SCLT1: variants seen among roughly 807,000 people sequenced by gnomAD.
SCLT1 encodes sodium channel-associated protein 1.
Under a neutral mutation model 112.8 loss-of-function variants are expected in SCLT1, and 78 were observed. The observed-to-expected ratio is 0.69, with a 90% confidence interval of 0.58 to 0.83. SCLT1 has a LOEUF of 0.83. SCLT1 is among the 40% of genes least tolerant of loss of function. The pLI, the probability that SCLT1 is intolerant of heterozygous loss-of-function variation, is 0.00. For missense variants in SCLT1, 747 were observed against 770.4 expected, an observed-to-expected ratio of 0.97 and a Z score of 0.36; for synonymous variants, 257 against 254.7, an observed-to-expected ratio of 1.01 and a Z score of -0.09.
At chr4:129,083,213 GAAAAGAAAAAGAAAA>G (rs1346297411) in intron 1 of SCLT1, among the ~76,000 whole-genome samples, 1 of 129,060 alleles carries the variant, frequency 7.7e-6, no homozygotes, top group East Asian at 2.3e-4. Context: ...AGAATAAGAA[GAAAAGAAAAAGAAAA>G]AAAAGAAATA....
Position 129,093,111 on chromosome 4 carries a change from C to T in SCLT1, c.-8G>A. On this transcript the variant is annotated 5_prime_UTR_variant, in exon 1 of 21. Transcript: ENST00000281142. Reference sequence around the variant, plus strand: ...GTCGATTTCTGCAGCCATTTCGATACAATTTTAGTTTAGAGCTTTCACCAC... The same window carrying T: ...GTCGATTTCTGCAGCCATTTCGATATAATTTTAGTTTAGAGCTTTCACCAC... 1 of 1,613,558 alleles carries T rather than the reference C, an allele frequency of 6.2e-7. No individual in the cohort carries two copies. The highest frequency in any genetic ancestry group is 8.5e-7 in the Non-Finnish European group (1 of 1,179,418).
At chr4:129,019,649 A>AT (rs1030925997) in intron 5 of SCLT1, among the ~76,000 whole-genome samples, 6 of 150,614 alleles carry the variant, frequency 4.0e-5, no homozygotes, top group East Asian at 1.9e-4. Flanking sequence ...ATTTTTGTGT[A>AT]TTTTTTTATA....
chr4:129,056,997 A>G (rs1427434242), intron 2 of SCLT1, among the ~76,000 whole-genome samples: 1 of 152,334 alleles, frequency 6.6e-6, no homozygotes, highest in East Asian at 1.9e-4. Flanking sequence ...TTGGGCTGAG[A>G]TACATTACTT....
intron 6 of SCLT1, 117 bp from the exon 7 acceptor site, chr4:128,999,911 C>T: frequency 1.7e-6 from 1 of 573,650 alleles, no homozygotes; most frequent in South Asian, 4.1e-5. Context: ...TAAAATAGAA[C>T]TGTGTAAAGA....
intron 12 of SCLT1, among the ~76,000 whole-genome samples, chr4:128,959,327 A>G (rs1171469639): frequency 6.6e-6 from 1 of 151,872 alleles, no homozygotes; most frequent in South Asian, 2.1e-4. Flanking sequence ...TTTTTTTTTA[A>G]GTATGAGACT....
At position 128,953,236 on chromosome 4, in the gene SCLT1, A is replaced by G. The variant is rs112655352; in HGVS notation, c.1147-396T>C. Among the ~76,000 whole-genome samples, 38 of 152,362 alleles carry G rather than the reference A, an allele frequency of 2.5e-4. 1 individual carries two copies. Among genetic ancestry groups the G allele is most frequent in the African/African-American group, 8.7e-4 (36 of 41,592 alleles). ...AACCTGAACAATATTTTTATAAGAA[A>G]TAAGTATATTCTCCAAAACTAAAAA... On this transcript the variant is annotated intron_variant, in intron 13 of 20. Coordinates refer to ENST00000281142, the MANE Select transcript of SCLT1 (RefSeq NM_144643.4).
intron 8 of SCLT1, among the ~76,000 whole-genome samples, chr4:128,997,445 A>G (rs1168557163): frequency 6.6e-6 from 1 of 151,950 alleles, no homozygotes; most frequent in African/African-American, 2.4e-5. Context: ...TTTAGGAGAA[A>G]CTTATAGGGA....
chr4:129,070,920 A>G (rs547216011), intron 2 of SCLT1, among the ~76,000 whole-genome samples: 15 of 152,080 alleles, frequency 9.9e-5, no homozygotes, highest in Admixed American at 4.6e-4. Context: ...AGAGCTATGA[A>G]CTTTCCCCTC....
At chr4:129,047,733 G>T (rs1748322592) in intron 2 of SCLT1, among the ~76,000 whole-genome samples, 1 of 151,976 alleles carries the variant, frequency 6.6e-6, no homozygotes, top group Admixed American at 6.6e-5. Context: ...TTTCTCTAAT[G>T]ATTACTTATG....
rs376256372 is a variant in SCLT1, at chr4:129,049,447, G to A, written c.103-5396C>T. ...TGAACAATGAGAACACATGGACACA[G>A]GAAGGGGAACATCACACTCTGGGGA... On this transcript the variant is annotated intron_variant, in intron 2 of 20. Coordinates refer to ENST00000281142, the MANE Select transcript of SCLT1 (RefSeq NM_144643.4). Among the ~76,000 whole-genome samples the A allele has an allele frequency of 7.9e-4, 109 of 137,528 alleles. 1 individual carries two copies. In the Middle Eastern group the frequency reaches 0.032, roughly 40 times the overall value. The allele number at this position is 137,528 out of a possible 152,430, so 90.2% of individuals were successfully genotyped here.
chr4:128,892,047 A>ATAGT (rs747791211), intron 18 of SCLT1, among the ~76,000 whole-genome samples: 1 of 152,202 alleles, frequency 6.6e-6, no homozygotes. Flanking sequence ...TCAGTGCAGT[A>ATAGT]TAGTTAGAAT....
At chr4:128,934,433 A>G (rs904823255) in intron 18 of SCLT1, among the ~76,000 whole-genome samples, 1 of 151,882 alleles carries the variant, frequency 6.6e-6, no homozygotes. Flanking sequence ...CAGTGAATCT[A>G]TAGGTATATT....
chr4:129,015,827 C>T (rs1279687039), intron 5 of SCLT1, among the ~76,000 whole-genome samples: 1 of 152,182 alleles, frequency 6.6e-6, no homozygotes, highest in Non-Finnish European at 1.5e-5. Context: ...GCTTCTGTGT[C>T]TTCCCTCCAT....
intron 12 of SCLT1, 73 bp downstream of exon 12, chr4:128,959,526 TC>T: frequency 9.6e-7 from 1 of 1,040,028 alleles, no homozygotes; most frequent in Non-Finnish European, 1.5e-6. Context: ...AGCTATTGAA[TC>T]CCTTACTGTG....
intron 2 of SCLT1, among the ~76,000 whole-genome samples, chr4:129,069,926 C>T (rs928316641): frequency 2.6e-4 from 39 of 151,966 alleles, no homozygotes; most frequent in African/African-American, 9.2e-4. Context: ...GAGGTATGTC[C>T]CTTGTATGCC....
chr4:129,028,091 G>C (rs1239246031), intron 5 of SCLT1, among the ~76,000 whole-genome samples: 1 of 152,262 alleles, frequency 6.6e-6, no homozygotes, highest in East Asian at 1.9e-4. Context: ...TGTGAAAATG[G>C]CCAAACTGCC....
intron 18 of SCLT1, among the ~76,000 whole-genome samples, chr4:128,925,532 C>A (rs1333141594): frequency 6.6e-6 from 1 of 151,986 alleles, no homozygotes; most frequent in Non-Finnish European, 1.5e-5. Context: ...CCATGTTGGC[C>A]AGGCTGGTCT....
chr4:128,961,782 G>T (rs1739758061), intron 11 of SCLT1, among the ~76,000 whole-genome samples: 1 of 152,170 alleles, frequency 6.6e-6, no homozygotes, highest in Non-Finnish European at 1.5e-5. Flanking sequence ...TTTAGTGTTT[G>T]GGGCTGAGGT....
chr4:128,993,234 T>C (rs1361284627), intron 8 of SCLT1, among the ~76,000 whole-genome samples: 2 of 152,042 alleles, frequency 1.3e-5, no homozygotes, highest in Non-Finnish European at 2.9e-5. Flanking sequence ...TAAAACTTAA[T>C]ACATGCCTTT....
Sources: allele counts gnomAD v4.1 joint callset (sites outside exome capture counted in the v4.1 genomes callset), GRCh38; gene constraint gnomAD v4.1.1; transcripts MANE v1.5; gene names NCBI Gene and HGNC (gene_info 2026-07-23, HGNC 2026-07-21).